MCC: variants seen among roughly 807,000 people sequenced by gnomAD.
MCC encodes the protein MCC regulator of Wnt signaling pathway, also known as colorectal mutant cancer protein.
Under a neutral mutation model 116.2 loss-of-function variants are expected in MCC, and 90 were observed. The observed-to-expected ratio is 0.77, with a 90% confidence interval of 0.65 to 0.92. The LOEUF (loss-of-function observed/expected upper bound fraction) is 0.92, where lower values mean the gene tolerates loss of function less well. Ranked by LOEUF, MCC falls within the 40% of genes least tolerant of loss-of-function variation. The pLI, the probability that MCC is intolerant of heterozygous loss-of-function variation, is 0.00. For missense variants in MCC, 1,516 were observed against 1,312.2 expected, an observed-to-expected ratio of 1.16 and a Z score of -2.40; for synonymous variants, 578 against 510.5, an observed-to-expected ratio of 1.13 and a Z score of -1.78.
At chr5:113,207,092 G>GT (rs1264959248) in intron 3 of MCC, among the ~76,000 whole-genome samples, 1 of 152,156 alleles carries the variant, frequency 6.6e-6, no homozygotes, top group African/African-American at 2.4e-5. Flanking sequence ...ACAGAGTTCA[G>GT]TTTTTTCCAA....
At chr5:113,084,557 C>G (rs952947505) in intron 9 of MCC, among the ~76,000 whole-genome samples, 1 of 152,254 alleles carries the variant, frequency 6.6e-6, no homozygotes, top group African/African-American at 2.4e-5. Context: ...TTAGAAAACA[C>G]TGGTTTAACC....
intron 8 of MCC, among the ~76,000 whole-genome samples, chr5:113,095,852 G>A (rs7708913): frequency 0.16 from 24,913 of 151,992 alleles, 3,196 homozygotes; most frequent in African/African-American, 0.36. Context: ...TTCACAGAAT[G>A]TCAATACTAT....
chr5:113,312,962 T>C (rs1282273596), intron 3 of MCC, among the ~76,000 whole-genome samples: 1 of 152,182 alleles, frequency 6.6e-6, no homozygotes, highest in African/African-American at 2.4e-5. Context: ...ATTCCTCCTC[T>C]TGATAAGCTC....
chr5:113,452,858 C>T (rs1462173469), intron 1 of MCC, among the ~76,000 whole-genome samples: 1 of 152,196 alleles, frequency 6.6e-6, no homozygotes, highest in Non-Finnish European at 1.5e-5. Flanking sequence ...GCACCACTGC[C>T]AGTTTGCCTT....
At chr5:113,138,023 C>T (rs4705790) in intron 5 of MCC, among the ~76,000 whole-genome samples, 131,626 of 151,454 alleles carry the variant, frequency 0.87, 57,820 homozygotes, top group Non-Finnish European at 0.93. Flanking sequence ...CACTAAATTG[C>T]GTCCCAAAAT....
At chr5:113,357,530 A>G (rs1768443747) in intron 2 of MCC, among the ~76,000 whole-genome samples, 1 of 152,156 alleles carries the variant, frequency 6.6e-6, no homozygotes, top group African/African-American at 2.4e-5. Flanking sequence ...TTAAAATAAT[A>G]ATTGGTCACA....
At chr5:113,063,837 T>A (rs1753391022) in intron 14 of MCC, 147 bp downstream of exon 14, 2 of 768,184 alleles carry the variant, frequency 2.6e-6, no homozygotes, top group Non-Finnish European at 4.0e-6. Flanking sequence ...TGACTCCTTT[T>A]TGGATGGAGC....
intron 1 of MCC, among the ~76,000 whole-genome samples, chr5:113,405,740 G>A (rs555878338): frequency 2.8e-4 from 43 of 151,822 alleles, no homozygotes; most frequent in Non-Finnish European, 4.9e-4. Context: ...TCAGGAATGC[G>A]AGCCTGCAGT....
chr5:113,309,102 C>T (rs973206814), intron 3 of MCC, among the ~76,000 whole-genome samples: 5 of 152,222 alleles, frequency 3.3e-5, no homozygotes, highest in Admixed American at 2.0e-4. Flanking sequence ...TATCATCATG[C>T]TCTTACAGAA....
At chr5:113,297,749 CAAA>C (rs57148050) in intron 3 of MCC, among the ~76,000 whole-genome samples, 13,074 of 59,058 alleles carry the variant, frequency 0.22, 266 homozygotes, top group Non-Finnish European at 0.26. Context: ...GACTCTGTCT[CAAA>C]AAAAAAAAAA....
At position 113,488,047 on chromosome 5, in the gene MCC, A is replaced by C. The variant is rs1280175598; in HGVS notation, c.170+198T>G. On this transcript the variant is annotated intron_variant, in intron 1 of 18. Coordinates refer to ENST00000408903, the MANE Select transcript of MCC (RefSeq NM_001085377.2). Reference sequence around the variant, plus strand: ...GCTGGGAAAAGTTGGACCAACTGGCACCCCCGCAAGGCGAACAGAGCAGTC... The same window carrying C: ...GCTGGGAAAAGTTGGACCAACTGGCCCCCCCGCAAGGCGAACAGAGCAGTC... Among the ~76,000 whole-genome samples the C allele has an allele frequency of 7.9e-5, 12 of 151,694 alleles. No homozygotes were observed. In the East Asian group the frequency reaches 2.2e-3, roughly 27 times the overall value.
chr5:113,067,979 T>C, intron 13 of MCC, 101 bp downstream of exon 13: 2 of 999,240 alleles, frequency 2.0e-6, no homozygotes, highest in Non-Finnish European at 3.2e-6. Flanking sequence ...AACCAAATTT[T>C]GTGTTGTCGG....
At chr5:113,141,197 C>A (rs1759161808) in intron 5 of MCC, among the ~76,000 whole-genome samples, 1 of 152,232 alleles carries the variant, frequency 6.6e-6, no homozygotes, top group African/African-American at 2.4e-5. Context: ...CATCAGAACT[C>A]CTGGCTCCGT....
At chr5:113,392,414 A>T (rs373645837) in intron 1 of MCC, among the ~76,000 whole-genome samples, 1 of 152,188 alleles carries the variant, frequency 6.6e-6, no homozygotes, top group Non-Finnish European at 1.5e-5. Flanking sequence ...CAAAAACATT[A>T]GTCTTACAAT....
Position 113,413,049 on chromosome 5 carries a change from T to A in MCC, c.171-27837A>T, listed in dbSNP as rs140780117. ...ATAAGCATGTGGTTTTTGTCGTTGG[T>A]TCTGTTCATGTGATGGATTACGTTG... is the stretch of plus-strand genomic sequence containing the variant. On this transcript the variant is annotated intron_variant, in intron 1 of 18. Transcript: ENST00000408903. 3.5e-3 allele frequency among the ~76,000 whole-genome samples: 532 copies of A among 152,352 alleles called. 5 individuals are homozygous for A. In the East Asian group the frequency reaches 0.058, roughly 17 times the overall value.
chr5:113,068,513 C>T (rs972393053), intron 12 of MCC, among the ~76,000 whole-genome samples: 10 of 152,226 alleles, frequency 6.6e-5, no homozygotes, highest in South Asian at 6.2e-4. Context: ...CCCGCTGAGC[C>T]GGCACCCTGG....
intron 3 of MCC, among the ~76,000 whole-genome samples, chr5:113,175,762 T>G (rs1341039390): frequency 6.6e-6 from 1 of 152,166 alleles, no homozygotes; most frequent in Non-Finnish European, 1.5e-5. Context: ...CATTCAATTT[T>G]AAGGAAGAGA....
In MCC at chr5:113,027,883, A is replaced by C. The variant is rs116139769; in HGVS notation, c.2880-401T>G. Among the ~76,000 whole-genome samples, 1,413 of 152,332 alleles carry C rather than the reference A, an allele frequency of 9.3e-3. 36 individuals carry two copies. The highest frequency in any genetic ancestry group is 0.032 in the African/African-American group (1,339 of 41,574). ...CAGGAGAGTACTCCTAAGGCACTGC[A>C]ATCAAAGTGACCATACCTGGGACGA... On this transcript the variant is annotated intron_variant, in intron 18 of 18. Transcript: ENST00000408903.
At chr5:113,306,361 A>G (rs1766984974) in intron 3 of MCC, among the ~76,000 whole-genome samples, 1 of 152,198 alleles carries the variant, frequency 6.6e-6, no homozygotes, top group African/African-American at 2.4e-5. Flanking sequence ...TGGCTGCACC[A>G]TTTCACATTC....
Sources: gnomAD v4.1 joint callset for allele counts (sites outside exome capture counted in the v4.1 genomes callset) on GRCh38, gnomAD v4.1.1 for gene constraint, MANE v1.5 for transcripts, NCBI Gene and HGNC (gene_info 2026-07-23, HGNC 2026-07-21) for gene names.